The following NGEF variants were observed in gnomAD, a reference collection of about 807,000 sequenced individuals.
NGEF encodes the protein neuronal guanine nucleotide exchange factor, also known as ephexin-1.
In NGEF, 31 loss-of-function variants were observed where a neutral mutation model predicts 80.9. The observed-to-expected ratio is 0.38, with a 90% CI of 0.29 to 0.52. The LOEUF (loss-of-function observed/expected upper bound fraction) is 0.52. Among genes scored for constraint, NGEF ranks in the 20% least tolerant of loss-of-function variants. The probability of loss-of-function intolerance (pLI) is 0.84; values close to 1 mark genes in which losing one functional copy is unlikely to be tolerated. For missense variants in NGEF, 709 were observed against 926.2 expected, an observed-to-expected ratio of 0.77 and a Z score of 3.04; for synonymous variants, 371 against 370.2, an observed-to-expected ratio of 1.00 and a Z score of -0.03.
At chr2:232,981,778 A>G (rs139291391) in intron 1 of NGEF, among the ~76,000 whole-genome samples, 1 of 152,320 alleles carries the variant, frequency 6.6e-6, no homozygotes, top group East Asian at 1.9e-4. Context: ...TCTCCCGCAC[A>G]GCTGGCTCTG....
chr2:232,930,383 G>A (rs890159629), intron 3 of NGEF, among the ~76,000 whole-genome samples: 7 of 151,456 alleles, frequency 4.6e-5, no homozygotes, highest in Non-Finnish European at 8.8e-5. Context: ...GCAATGGCGC[G>A]ATCTCGGCTT....
chr2:232,910,545 C>T (rs1043222126), intron 5 of NGEF, among the ~76,000 whole-genome samples: 1 of 152,164 alleles, frequency 6.6e-6, no homozygotes, highest in African/African-American at 2.4e-5. Context: ...AATTGTCCAG[C>T]CCCAAAGTCA....
At chr2:232,944,779 T>G (rs1194255914) in intron 3 of NGEF, among the ~76,000 whole-genome samples, 1 of 132,654 alleles carries the variant, frequency 7.5e-6, no homozygotes, top group Non-Finnish European at 1.6e-5. Context: ...GGAGATGGAG[T>G]CCTGCTCTGT....
intron 3 of NGEF, among the ~76,000 whole-genome samples, chr2:232,934,462 TA>T (rs1455996944): frequency 6.6e-6 from 1 of 151,922 alleles, no homozygotes; most frequent in African/African-American, 2.4e-5. Flanking sequence ...AGTCTTCCAG[TA>T]AAAAATAAGC....
At chr2:233,004,410 C>G (rs762953403) in intron 1 of NGEF, among the ~76,000 whole-genome samples, 1 of 152,194 alleles carries the variant, frequency 6.6e-6, no homozygotes, top group Admixed American at 6.5e-5. Context: ...ATCCCCTGGT[C>G]GCAGCAGCAG....
chr2:232,972,672 A>G (rs1467662029), intron 2 of NGEF, among the ~76,000 whole-genome samples: 1 of 151,010 alleles, frequency 6.6e-6, no homozygotes, highest in Non-Finnish European at 1.5e-5. Flanking sequence ...CTAGCAAACT[A>G]GCACAGCCAC....
intron 3 of NGEF, among the ~76,000 whole-genome samples, chr2:232,957,161 T>C (rs991408527): frequency 1.3e-5 from 2 of 152,046 alleles, no homozygotes; most frequent in Middle Eastern, 3.2e-3. Context: ...TAAGCTAGAA[T>C]AACCAAAATA....
intron 5 of NGEF, among the ~76,000 whole-genome samples, chr2:232,898,519 T>C (rs1331076248): frequency 6.6e-6 from 1 of 152,220 alleles, no homozygotes; most frequent in Non-Finnish European, 1.5e-5. Flanking sequence ...GCTTCCAGGA[T>C]GTTTGTCTTC....
chr2:232,941,189 G>T (rs1227785629), intron 3 of NGEF, among the ~76,000 whole-genome samples: 1 of 152,172 alleles, frequency 6.6e-6, no homozygotes, highest in East Asian at 1.9e-4. Context: ...CACAAGATCA[G>T]ATGAGCCAGT....
intron 5 of NGEF, among the ~76,000 whole-genome samples, chr2:232,907,601 T>C (rs1440436906): frequency 2.0e-5 from 3 of 152,232 alleles, no homozygotes; most frequent in African/African-American, 7.2e-5. Context: ...GAAATGTAAC[T>C]GGATTGCACA....
chr2:233,007,401 C>T (rs1559246385), intron 1 of NGEF, among the ~76,000 whole-genome samples: 3 of 152,264 alleles, frequency 2.0e-5, no homozygotes, highest in Middle Eastern at 3.4e-3. Context: ...GCCAGGTAGC[C>T]GCCAGGTAGC....
chr2:232,916,819 C>T (rs1253326908), intron 5 of NGEF, among the ~76,000 whole-genome samples: 1 of 152,170 alleles, frequency 6.6e-6, no homozygotes, highest in African/African-American at 2.4e-5. Context: ...TCATTCGGGA[C>T]CAGCAGTTCC....
chr2:232,971,223 C>T (rs1017156884), intron 2 of NGEF, among the ~76,000 whole-genome samples: 1 of 152,120 alleles, frequency 6.6e-6, no homozygotes, highest in African/African-American at 2.4e-5. Context: ...GTGGAGTGAC[C>T]CAGTAGCCCA....
At chr2:232,980,075 G>A (rs998640463) in intron 1 of NGEF, among the ~76,000 whole-genome samples, 1 of 152,170 alleles carries the variant, frequency 6.6e-6, no homozygotes, top group Non-Finnish European at 1.5e-5. Context: ...CTGTGATGTG[G>A]TCAAAAGATG....
intron 2 of NGEF, among the ~76,000 whole-genome samples, chr2:232,973,050 C>G (rs1479104962): frequency 1.3e-5 from 2 of 152,122 alleles, no homozygotes; most frequent in African/African-American, 4.8e-5. Flanking sequence ...AGCCACTGCA[C>G]CCGGCCGTCC....
chr2:232,930,893 G>T (rs753908140), intron 3 of NGEF, among the ~76,000 whole-genome samples: 114 of 152,184 alleles, frequency 7.5e-4, no homozygotes, highest in Non-Finnish European at 1.5e-3. Context: ...ACTTGTTCCA[G>T]CATCAACTCT....
intron 3 of NGEF, among the ~76,000 whole-genome samples, chr2:232,950,339 T>C (rs1574631713): frequency 6.6e-6 from 1 of 152,232 alleles, no homozygotes; most frequent in South Asian, 2.1e-4. Flanking sequence ...AGGATATGTA[T>C]ATGTTTTAAC....
chr2:232,999,066 T>C (rs1246479954), intron 1 of NGEF, among the ~76,000 whole-genome samples: 2 of 152,128 alleles, frequency 1.3e-5, no homozygotes, highest in Non-Finnish European at 2.9e-5. Flanking sequence ...ATCCCCCATC[T>C]TTCCAAACCT....
At position 232,952,174 on chromosome 2, in the gene NGEF, G is replaced by T. The variant is rs149542981; in HGVS notation, c.383+18040C>A. On this transcript the variant is annotated intron_variant, in intron 3 of 14. Coordinates refer to ENST00000264051, the MANE Select transcript of NGEF (RefSeq NM_019850.3). ...CTCGCCCTGCATGGTGACTCAGGCG[G>T]ATCTTCAGATATAAAGCCTGAGTAA... 2.3e-3 allele frequency among the ~76,000 whole-genome samples: 354 copies of T among 152,312 alleles called. 2 individuals carry two copies. Among genetic ancestry groups the T allele is most frequent in the African/African-American group, 8.1e-3 (338 of 41,560 alleles).
Sources: gnomAD v4.1 joint callset for allele counts (sites outside exome capture counted in the v4.1 genomes callset) on GRCh38, gnomAD v4.1.1 for gene constraint, MANE v1.5 for transcripts, NCBI Gene and HGNC (gene_info 2026-07-23, HGNC 2026-07-21) for gene names.